FAM9A: variants seen among roughly 807,000 people sequenced by gnomAD.
FAM9A encodes the protein protein FAM9A.
In FAM9A, 49 loss-of-function variants were observed where a neutral mutation model predicts 25.0. The observed-to-expected ratio is 1.96, with a 90% CI of 1.56 to 2.48. The LOEUF is 2.48. Among genes scored for constraint, FAM9A ranks in the 30% most tolerant of loss-of-function variants. FAM9A has a pLI of 0.00. For missense variants in FAM9A, 266 were observed against 249.3 expected (o/e 1.07, Z -0.45); for synonymous variants, 80 against 85.1 (o/e 0.94, Z 0.33).
At chrX:8,796,167 A>C in intron 6 of FAM9A, 101 bp downstream of exon 6, 8 of 628,042 alleles carry the variant, frequency 1.3e-5, no homozygotes, top group South Asian at 2.7e-5. Flanking sequence ...GTTGCTCCCT[A>C]GAGACGCCAA....
Position 8,798,357 on chromosome X carries a change from AC to A in FAM9A, c.341+1del. The A allele has an allele frequency of 2.5e-6, 3 of 1,211,187 alleles. No homozygotes were observed. Among genetic ancestry groups the A allele is most frequent in the Non-Finnish European group, 3.4e-6 (3 of 895,455 alleles). On this transcript the variant is annotated splice_donor_variant, in intron 4 of 9. Transcript: ENST00000381003. LOFTEE classifies it high-confidence loss of function. ...CAGGCAAAAGTGACTTAAACACTTT[AC>A]CCCGTGTGTTCATCTTTTTCAGCAA...
Position 8,799,015 on chromosome X carries a change from T to C in FAM9A, c.171A>G (p.Lys57=). 1 of 1,212,598 alleles carries C rather than the reference T, an allele frequency of 8.2e-7. No individual in the cohort carries two copies. The highest frequency in any genetic ancestry group is 3.0e-5 in the East Asian group (1 of 33,847). ...CCCTAACTTGAGCTTCCAACTGAGC[T>C]TTGGCAGCCTTCCTGCTGCGCTTCC... is the stretch of plus-strand genomic sequence containing the variant. ...VGRKRSRKAA[K]AQLEAQVRAA... The change falls in exon 3 of 10, where the codon AAA becomes AAG. Residue 57 remains lysine (K), a synonymous_variant. Coordinates refer to ENST00000381003, the MANE Select transcript of FAM9A (RefSeq NM_174951.3).
intron 4 of FAM9A, 51 bp from the exon 5 acceptor site, chrX:8,798,232 A>G (rs1479972326): frequency 5.8e-6 from 7 of 1,201,851 alleles, no homozygotes; most frequent in Non-Finnish European, 7.9e-6. Context: ...ACAAAATGCC[A>G]TGTTTGTTGG....
Position 8,795,163 on chromosome X carries a change from C to T in FAM9A, c.746G>A (p.Gly249Glu). 9.6e-7 allele frequency: 1 copy of T among 1,042,565 alleles called. No individual in the cohort carries two copies. 85.9% of individuals were successfully genotyped at this position (1,042,565 alleles called of 1,213,427 possible). A position where few individuals can be genotyped will look rare whatever the true frequency, so the allele number is the denominator to read the frequency against. The change falls in exon 7 of 10, where the codon GGA becomes GAA. Residue 249 changes from glycine to glutamate, a missense_variant. Physicochemically the swap from Gly to Glu is moderately conservative, Grantham distance 98 (BLOSUM62 -2). Coordinates refer to ENST00000381003, the MANE Select transcript of FAM9A (RefSeq NM_174951.3). ...EGEEEGGGEE[G>E]EEGGGGGEGE... is the part of the protein sequence containing the mutation. ...TTCTCCTCCTCCTCCTCCTTCTTCT[C>T]CTTCTTCTCCTCCTCCTTCTTCTTC...
chrX:8,800,022 C>G (rs1242822002), intron 2 of FAM9A, 59 bp downstream of exon 2: 1 of 1,153,561 alleles, frequency 8.7e-7, no homozygotes, highest in Non-Finnish European at 1.2e-6. Context: ...CCAGGGGTCT[C>G]GGGCTGCCCA....
intron 8 of FAM9A, among the ~76,000 whole-genome samples, chrX:8,792,934 C>T (rs771168470): frequency 8.9e-6 from 1 of 112,480 alleles, no homozygotes; most frequent in African/African-American, 3.2e-5. Flanking sequence ...ATTCACAATT[C>T]ACAACGTGTT....
intron 2 of FAM9A, among the ~76,000 whole-genome samples, chrX:8,799,645 AC>A (rs1330521379): frequency 2.5e-3 from 46 of 18,721 alleles, no homozygotes; most frequent in African/African-American, 0.01. Context: ...CGAACCCCAC[AC>A]CCCTCCCCTC....
chrX:8,798,638 A>G (rs1602070715), intron 3 of FAM9A, among the ~76,000 whole-genome samples, 159 bp from the exon 4 acceptor site: 1 of 112,624 alleles, frequency 8.9e-6, no homozygotes, highest in Middle Eastern at 4.6e-3. Flanking sequence ...GGACCGTTTT[A>G]CCGAGGCATT....
intron 4 of FAM9A, 89 bp from the exon 5 acceptor site, chrX:8,798,270 G>A (rs762529762): frequency 1.7e-6 from 2 of 1,197,868 alleles, no homozygotes; most frequent in South Asian, 1.8e-5. Flanking sequence ...GAAATGTTCC[G>A]CATAGAATAG....
chrX:8,791,522 C>T (rs1414581787), intron 8 of FAM9A, 143 bp from the exon 9 acceptor site: 1 of 438,723 alleles, frequency 2.3e-6, no homozygotes, highest in Non-Finnish European at 3.7e-6. Context: ...AAACTGTAAC[C>T]AATACATGGA....
Position 8,798,490 on chromosome X carries a change from A to G in FAM9A, c.221-11T>C, listed in dbSNP as rs760110676. 1 of 1,206,829 alleles carries G rather than the reference A, an allele frequency of 8.3e-7. No homozygotes were observed. The highest frequency in any genetic ancestry group is 2.2e-5 in the Admixed American group (1 of 44,774). The stretch of plus-strand genomic sequence containing the variant: ...GGACTGGATCCTTTCCTGCATTAAA[A>G]TGTAAAAGACAAACCATTTTTAGAG... On this transcript the variant is annotated splice_polypyrimidine_tract_variant and intron_variant, in intron 3 of 9. Coordinates refer to ENST00000381003, the MANE Select transcript of FAM9A (RefSeq NM_174951.3).
intron 1 of FAM9A, among the ~76,000 whole-genome samples, chrX:8,800,652 G>A (rs1194942953): frequency 1.9e-5 from 2 of 106,476 alleles, no homozygotes; most frequent in Non-Finnish European, 3.9e-5. Flanking sequence ...CGGCCGGGCT[G>A]GAGGGACCCA....
chrX:8,800,154 C>T lies in FAM9A; in HGVS notation c.18G>A (p.Arg6=), dbSNP rs2146942226. The T allele has an allele frequency of 8.3e-7, 1 of 1,206,762 alleles. No individual in the cohort carries two copies. Among genetic ancestry groups the T allele is most frequent in the African/African-American group, 1.8e-5 (1 of 56,626 alleles). MEPVG[R]KRSRKAAKAQ... Reference sequence around the variant, plus strand: ...CTTTGGCAGCCTTCCTGCTGCGCTTCCTGCCCACGGGCTCCATGGTTGGCT... The same window carrying T: ...CTTTGGCAGCCTTCCTGCTGCGCTTTCTGCCCACGGGCTCCATGGTTGGCT... The change falls in exon 2 of 10, where the codon AGG becomes AGA. Residue 6 remains arginine, a synonymous_variant. Transcript: ENST00000381003.
At chrX:8,796,596 A>T (rs1933536921) in intron 5 of FAM9A, among the ~76,000 whole-genome samples, 2 of 112,052 alleles carry the variant, frequency 1.8e-5, no homozygotes, top group South Asian at 7.4e-4. Flanking sequence ...AATTGGTATA[A>T]CTGCAAATCA....
At chrX:8,791,942 G>T (rs1003060175) in intron 8 of FAM9A, among the ~76,000 whole-genome samples, 1 of 111,987 alleles carries the variant, frequency 8.9e-6, no homozygotes. Context: ...CCTGTGACAT[G>T]AGCAAATGCA....
At chrX:8,795,641 G>A (rs1267024930) in intron 6 of FAM9A, among the ~76,000 whole-genome samples, 1 of 111,619 alleles carries the variant, frequency 9.0e-6, no homozygotes, top group African/African-American at 3.3e-5. Context: ...TTCTTTATGT[G>A]CTGAAAACAA....
chrX:8,798,507 T>C (rs1208279487), intron 3 of FAM9A, 28 bp from the exon 4 acceptor site: 2 of 1,200,216 alleles, frequency 1.7e-6, no homozygotes, highest in Non-Finnish European at 2.2e-6. Context: ...AGACAAACCA[T>C]TTTTAGAGGA....
chrX:8,796,507 A>G (rs1933535903), intron 5 of FAM9A, 125 bp from the exon 6 acceptor site: 3 of 475,891 alleles, frequency 6.3e-6, no homozygotes, highest in African/African-American at 2.5e-5. Context: ...GTAAAATACA[A>G]AGATCATTTC....
rs138545346 is a variant in FAM9A at position 8,795,412 on chromosome X, C to T, written c.497G>A (p.Arg166His). 12 of 1,190,756 alleles carry T rather than the reference C, an allele frequency of 1.0e-5. No homozygotes were observed. The South Asian group carries it at 1.1e-4, about 11-fold the overall frequency. The change falls in exon 7 of 10, where the codon CGT becomes CAT. Residue 166 changes from arginine (R) to histidine (H), a missense_variant. By Grantham distance (29) the Arg-to-His change is conservative (BLOSUM62 0). Transcript: ENST00000381003. ...CAACTTCCGAGTATGTCTATAATCA[C>T]GTTTCTGCCTGTAACACATAATAAG... The part of the protein sequence containing the change: ...LKKKQLKRQK[R>H]DYRHTRKLLN...
Sources: gnomAD v4.1 joint callset for allele counts (sites outside exome capture counted in the v4.1 genomes callset) on GRCh38, gnomAD v4.1.1 for gene constraint, MANE v1.5 for transcripts, NCBI Gene and HGNC (gene_info 2026-07-23, HGNC 2026-07-21) for gene names.